Variants in DCC observed in about 807,000 individuals in gnomAD.
DCC encodes netrin receptor DCC.
In DCC, 58 loss-of-function variants were observed where a neutral mutation model predicts 172.5. That is an observed-to-expected ratio of 0.34 (90% CI 0.27 to 0.42). The LOEUF (loss-of-function observed/expected upper bound fraction) is 0.42, where lower values mean the gene tolerates loss of function less well. Among genes scored for constraint, DCC ranks in the 10% least tolerant of loss-of-function variants. The pLI is 1.00. For synonymous variants in DCC, 709 were observed against 644.5 expected (o/e 1.10, Z -1.52); for missense variants, 1,740 against 1,791.0 (o/e 0.97, Z 0.51).
At chr18:53,252,780 T>G (rs572057110) in intron 12 of DCC, among the ~76,000 whole-genome samples, 10 of 151,960 alleles carry the variant, frequency 6.6e-5, no homozygotes, top group Non-Finnish European at 1.2e-4. Context: ...CAGAACAGAC[T>G]AAAGCCCTAA....
Position 53,408,571 on chromosome 18 carries a change from A to G in DCC, c.2936-1881A>G, listed in dbSNP as rs552158715. On this transcript the variant is annotated intron_variant, in intron 19 of 28. Coordinates refer to ENST00000442544, the MANE Select transcript of DCC (RefSeq NM_005215.4). ...TATTCCATTGCATTTCCTGTCTTCT[A>G]TCGGTTAGAAACAAGACTTAGGGCC... Among the ~76,000 whole-genome samples the G allele has an allele frequency of 5.3e-5, 8 of 152,314 alleles. No homozygotes were observed. In the East Asian group the frequency reaches 7.7e-4, roughly 15 times the overall value.
At chr18:52,526,105 G>T (rs1189161261) in intron 1 of DCC, among the ~76,000 whole-genome samples, 1 of 152,182 alleles carries the variant, frequency 6.6e-6, no homozygotes, top group Non-Finnish European at 1.5e-5. Context: ...GGTTGTCCTT[G>T]TAGGAAAAGC....
At chr18:53,261,663 C>T (rs992728723) in intron 12 of DCC, among the ~76,000 whole-genome samples, 7 of 152,052 alleles carry the variant, frequency 4.6e-5, no homozygotes, top group African/African-American at 7.2e-5. Flanking sequence ...AGGTGCCTGC[C>T]ATCATACCCG....
intron 2 of DCC, among the ~76,000 whole-genome samples, chr18:52,857,756 G>A (rs1160579851): frequency 6.6e-6 from 1 of 152,122 alleles, no homozygotes; most frequent in Non-Finnish European, 1.5e-5. Context: ...ACTTTTGTTT[G>A]AATAGTCAAG....
At chr18:53,173,290 G>C (rs1329635488) in intron 8 of DCC, among the ~76,000 whole-genome samples, 1 of 152,122 alleles carries the variant, frequency 6.6e-6, no homozygotes, top group Non-Finnish European at 1.5e-5. Flanking sequence ...CAGCCTTCCA[G>C]AAACTTCATA....
chr18:53,021,930 C>T (rs776644233), intron 5 of DCC, among the ~76,000 whole-genome samples: 5 of 152,150 alleles, frequency 3.3e-5, no homozygotes, highest in South Asian at 2.1e-4. Flanking sequence ...CAAATAACTA[C>T]ATCAAATGTT....
At chr18:52,605,580 G>C (rs972846852) in intron 1 of DCC, among the ~76,000 whole-genome samples, 5 of 152,158 alleles carry the variant, frequency 3.3e-5, no homozygotes, top group Non-Finnish European at 5.9e-5. Context: ...ATAGAGAACA[G>C]AGTGTAAAAC....
chr18:53,482,105 C>T (rs1245549108), intron 25 of DCC, among the ~76,000 whole-genome samples: 1 of 151,930 alleles, frequency 6.6e-6, no homozygotes, highest in Non-Finnish European at 1.5e-5. Flanking sequence ...ACTTTCAAAA[C>T]TGACGTCAAG....
chr18:53,497,156 A>G (rs1390052971), intron 26 of DCC, among the ~76,000 whole-genome samples: 1 of 152,220 alleles, frequency 6.6e-6, no homozygotes, highest in Non-Finnish European at 1.5e-5. Flanking sequence ...GAGATAAAGG[A>G]GGAACCTAGA....
intron 1 of DCC, among the ~76,000 whole-genome samples, chr18:52,430,193 A>C (rs1474800735): frequency 6.6e-6 from 1 of 152,064 alleles, no homozygotes; most frequent in Non-Finnish European, 1.5e-5. Context: ...TTAGACGTGA[A>C]AGTAATAAGA....
intron 21 of DCC, among the ~76,000 whole-genome samples, chr18:53,418,905 AT>A (rs770577068): frequency 4.6e-5 from 7 of 152,186 alleles, no homozygotes; most frequent in Non-Finnish European, 8.8e-5. Context: ...GAAATATAGC[AT>A]TTTTAAAACT....
rs1235890645 is a variant in DCC, at chr18:53,397,375, C to T, written c.2756C>T (p.Ser919Leu). 3.1e-6 allele frequency: 5 copies of T among 1,613,570 alleles called. No individual in the cohort carries two copies. The highest frequency in any genetic ancestry group is 1.7e-5 in the Admixed American group (1 of 59,946). ...GLKPNTMYEF[S>L]VMVTKNRRSS... Reference sequence around the variant, plus strand: ...AAACCAAACACAATGTATGAATTCTCGGTCATGGTAACAAAAAACAGAAGG... The same window carrying T: ...AAACCAAACACAATGTATGAATTCTTGGTCATGGTAACAAAAAACAGAAGG... Residue 919 changes from serine (S) to leucine (L), a missense_variant, in exon 18 of 29, where the codon TCG becomes TTG. Transcript: ENST00000442544.
chr18:53,387,506 C>G (rs1908245088), intron 16 of DCC, among the ~76,000 whole-genome samples: 2 of 152,128 alleles, frequency 1.3e-5, no homozygotes, highest in South Asian at 4.1e-4. Context: ...CATGACTTCT[C>G]TAAAAGAGTA....
intron 12 of DCC, among the ~76,000 whole-genome samples, chr18:53,267,318 C>T (rs1261171145): frequency 6.6e-6 from 1 of 152,024 alleles, no homozygotes; most frequent in Non-Finnish European, 1.5e-5. Context: ...TCTTGAGTAG[C>T]TGGGATTATA....
At chr18:53,375,852 G>T (rs1163827076) in intron 15 of DCC, among the ~76,000 whole-genome samples, 1 of 152,060 alleles carries the variant, frequency 6.6e-6, no homozygotes, top group Non-Finnish European at 1.5e-5. Context: ...GGTAAGGAAT[G>T]TTTATTTTGC....
chr18:53,013,323 TAAAG>T (rs1438382278), intron 5 of DCC, among the ~76,000 whole-genome samples: 1 of 151,962 alleles, frequency 6.6e-6, no homozygotes, highest in African/African-American at 2.4e-5. Context: ...ATAGACTAGA[TAAAG>T]AAAATGTGGC....
chr18:53,059,210 G>T (rs910426532), intron 5 of DCC, among the ~76,000 whole-genome samples: 3 of 151,982 alleles, frequency 2.0e-5, no homozygotes, highest in African/African-American at 7.2e-5. Context: ...ACCTCCTACT[G>T]GTTCCCTCCC....
intron 2 of DCC, among the ~76,000 whole-genome samples, chr18:52,843,503 A>C (rs2038839338): frequency 6.6e-6 from 1 of 152,100 alleles, no homozygotes; most frequent in Admixed American, 6.5e-5. Context: ...TTAATATAAA[A>C]AGTACTGCAT....
At chr18:53,133,820 T>G (rs2043696213) in intron 7 of DCC, among the ~76,000 whole-genome samples, 1 of 152,108 alleles carries the variant, frequency 6.6e-6, no homozygotes, top group Admixed American at 6.6e-5. Flanking sequence ...AAGGGTTAGT[T>G]AAAGCCAGGA....
Sources: gnomAD v4.1 joint callset for allele counts (sites outside exome capture counted in the v4.1 genomes callset) on GRCh38, gnomAD v4.1.1 for gene constraint, MANE v1.5 for transcripts, NCBI Gene and HGNC (gene_info 2026-07-23, HGNC 2026-07-21) for gene names.